The following PPP3CA variants were observed in gnomAD, a reference collection of about 807,000 sequenced individuals.
PPP3CA encodes protein phosphatase 3 catalytic subunit alpha, also known as CAM-PRP catalytic subunit.
Under a neutral mutation model 66.5 loss-of-function variants are expected in PPP3CA, and 14 were observed. The ratio of observed to expected loss-of-function variants is 0.21; its 90% confidence interval spans 0.14 to 0.33. PPP3CA has a LOEUF of 0.33. PPP3CA is among the 10% of genes least tolerant of loss of function. The pLI is 1.00. For synonymous variants in PPP3CA, 232 were observed against 226.2 expected (o/e 1.03, Z -0.23); for missense variants, 317 against 639.5 (o/e 0.50, Z 5.44).
intron 2 of PPP3CA, among the ~76,000 whole-genome samples, chr4:101,137,361 C>A (rs1418267760): frequency 2.0e-5 from 3 of 152,048 alleles, no homozygotes; most frequent in Admixed American, 6.6e-5. Context: ...TGAAATACAA[C>A]TAAAAGACCA....
At chr4:101,046,742 A>G (rs1254937326) in intron 10 of PPP3CA, among the ~76,000 whole-genome samples, 1 of 152,144 alleles carries the variant, frequency 6.6e-6, no homozygotes, top group Non-Finnish European at 1.5e-5. Flanking sequence ...CAGAGTTTCA[A>G]TGTTCCTTCA....
chr4:101,283,977 C>T (rs573848241), intron 1 of PPP3CA, among the ~76,000 whole-genome samples: 1 of 152,248 alleles, frequency 6.6e-6, no homozygotes, highest in East Asian at 1.9e-4. Context: ...AATGTAAAAT[C>T]GAGTCTTGTA....
In PPP3CA at chr4:101,265,890, G is replaced by A. The variant is rs1003812081; in HGVS notation, c.59-69774C>T. Among the ~76,000 whole-genome samples the A allele has an allele frequency of 3.6e-4, 55 of 152,058 alleles. 1 individual carries two copies. Among genetic ancestry groups the A allele is most frequent in the East Asian group, 1.9e-4 (1 of 5,194 alleles). On this transcript the variant is annotated intron_variant, in intron 1 of 13. Coordinates refer to ENST00000394854, the MANE Select transcript of PPP3CA (RefSeq NM_000944.5). ...AATAAACATAGAAAGCAACATAAAC[G>A]TCTTTAAGATAATGCAGCTCACATG...
intron 1 of PPP3CA, among the ~76,000 whole-genome samples, chr4:101,324,371 G>C (rs1729147527): frequency 6.6e-6 from 1 of 152,104 alleles, no homozygotes; most frequent in African/African-American, 2.4e-5. Context: ...AAGGTAAGGA[G>C]CACATAGAAA....
chr4:101,112,393 A>G (rs1721702814), intron 2 of PPP3CA, among the ~76,000 whole-genome samples: 2 of 152,138 alleles, frequency 1.3e-5, no homozygotes, highest in South Asian at 4.1e-4. Context: ...GATGATATAA[A>G]ATAGAAAAAA....
chr4:101,268,096 C>T (rs530258891), intron 1 of PPP3CA, among the ~76,000 whole-genome samples: 2 of 151,942 alleles, frequency 1.3e-5, no homozygotes, highest in East Asian at 3.9e-4. Flanking sequence ...TACTTGAGTC[C>T]AGAAGTTTAA....
At chr4:101,249,166 C>CA (rs56681238) in intron 1 of PPP3CA, among the ~76,000 whole-genome samples, 28 of 141,840 alleles carry the variant, frequency 2.0e-4, no homozygotes, top group Middle Eastern at 3.6e-3. Context: ...GACTCTGTCT[C>CA]AAAAAAAAAA....
At chr4:101,195,267 C>A (rs74471706) in intron 2 of PPP3CA, among the ~76,000 whole-genome samples, 330 of 127,786 alleles carry the variant, frequency 2.6e-3, no homozygotes, top group African/African-American at 5.0e-3. Flanking sequence ...AACTTCATCT[C>A]AAAAAAAAAA....
intron 1 of PPP3CA, among the ~76,000 whole-genome samples, chr4:101,202,649 G>C (rs183612360): frequency 1.3e-5 from 2 of 152,168 alleles, no homozygotes; most frequent in East Asian, 3.8e-4. Context: ...GTGTTTGAAA[G>C]TCTTTCACTT....
chr4:101,103,039 CTTTCTCCTGTTTAAT>C (rs1392290049), intron 3 of PPP3CA, among the ~76,000 whole-genome samples: 3 of 152,184 alleles, frequency 2.0e-5, no homozygotes, highest in Non-Finnish European at 2.9e-5. Flanking sequence ...ACAGACATAG[CTTTCTCCTGTTTAAT>C]TTTCTCCTAT....
intron 2 of PPP3CA, among the ~76,000 whole-genome samples, chr4:101,134,383 T>G (rs1484050203): frequency 6.6e-6 from 1 of 152,090 alleles, no homozygotes; most frequent in East Asian, 1.9e-4. Flanking sequence ...GGAACTTAAA[T>G]TTACAAGAAA....
chr4:101,167,417 C>T (rs1022310108), intron 2 of PPP3CA, among the ~76,000 whole-genome samples: 3 of 152,224 alleles, frequency 2.0e-5, no homozygotes, highest in Non-Finnish European at 2.9e-5. Context: ...ACATTTAAAT[C>T]GTTACCGAAT....
At chr4:101,114,944 G>A (rs748141223) in intron 2 of PPP3CA, among the ~76,000 whole-genome samples, 6 of 152,004 alleles carry the variant, frequency 3.9e-5, no homozygotes, top group Non-Finnish European at 8.8e-5. Flanking sequence ...GGGGGTTCAA[G>A]TACATACAAA....
chr4:101,139,072 T>C (rs1485318661), intron 2 of PPP3CA, among the ~76,000 whole-genome samples: 1 of 152,090 alleles, frequency 6.6e-6, no homozygotes, highest in African/African-American at 2.4e-5. Context: ...AGGCCGGGCA[T>C]GGTGGCTCAC....
At chr4:101,115,583 T>C (rs1721814936) in intron 2 of PPP3CA, among the ~76,000 whole-genome samples, 1 of 151,984 alleles carries the variant, frequency 6.6e-6, no homozygotes, top group South Asian at 2.1e-4. Context: ...TTAGAGAATG[T>C]AAACCAAAGT....
At chr4:101,085,107 G>C (rs1482785086) in intron 6 of PPP3CA, among the ~76,000 whole-genome samples, 1 of 152,240 alleles carries the variant, frequency 6.6e-6, no homozygotes, top group Non-Finnish European at 1.5e-5. Flanking sequence ...AAAAACAGCA[G>C]ATTTGTTTGG....
At chr4:101,045,579 T>C (rs1578400127) in intron 10 of PPP3CA, among the ~76,000 whole-genome samples, 1 of 152,076 alleles carries the variant, frequency 6.6e-6, no homozygotes, top group East Asian at 1.9e-4. Context: ...TTTTTAAATG[T>C]GTAAAGGCAG....
At chr4:101,122,295 G>A (rs544301823) in intron 2 of PPP3CA, among the ~76,000 whole-genome samples, 7 of 152,294 alleles carry the variant, frequency 4.6e-5, no homozygotes, top group African/African-American at 1.7e-4. Context: ...CTGTGGAGTG[G>A]AAGGGTTCTT....
intron 3 of PPP3CA, 85 bp downstream of exon 3, chr4:101,108,869 A>G (rs768064867): frequency 8.2e-6 from 11 of 1,334,270 alleles, no homozygotes; most frequent in African/African-American, 2.9e-5. Context: ...AGGTTTCCAT[A>G]AGGCAATAAC....
Sources: allele counts gnomAD v4.1 joint callset (sites outside exome capture counted in the v4.1 genomes callset), GRCh38; gene constraint gnomAD v4.1.1; transcripts MANE v1.5; gene names NCBI Gene and HGNC (gene_info 2026-07-23, HGNC 2026-07-21).